SYK: variants seen among roughly 807,000 people sequenced by gnomAD.
The protein encoded by SYK is spleen associated tyrosine kinase, also known as tyrosine-protein kinase SYK.
A neutral mutation model predicts 77.8 loss-of-function variants in SYK; 16 were observed. The observed-to-expected ratio is 0.21, with a 90% CI of 0.14 to 0.31. The LOEUF (loss-of-function observed/expected upper bound fraction) is 0.31. Ranked by LOEUF, SYK falls within the 10% of genes least tolerant of loss-of-function variation. SYK has a pLI of 1.00. For missense variants in SYK, 529 were observed against 814.4 expected (o/e 0.65, Z 4.26); for synonymous variants, 312 against 308.7 (o/e 1.01, Z -0.11).
chr9:90,803,117 A>G (rs1261652320), intron 1 of SYK, among the ~76,000 whole-genome samples: 2 of 152,350 alleles, frequency 1.3e-5, no homozygotes, highest in Non-Finnish European at 2.9e-5. Context: ...TAAGTGAGAA[A>G]TCTTTGTCAG....
In SYK at chr9:90,896,273, A is replaced by G. The variant is rs1587935716; in HGVS notation, c.*673A>G. On this transcript the variant is annotated 3_prime_UTR_variant, in exon 14 of 14. Coordinates refer to ENST00000375754, the MANE Select transcript of SYK (RefSeq NM_003177.7). Reference sequence around the variant, plus strand: ...GAGATGGAAGACTTACATGTTTGTGATAAAAGGGGACCATGAGAATGAATT... The same window carrying G: ...GAGATGGAAGACTTACATGTTTGTGGTAAAAGGGGACCATGAGAATGAATT... 1.7e-5 allele frequency: 4 copies of G among 232,804 alleles called. No homozygotes were observed. The East Asian group carries it at 2.4e-4, about 14-fold the overall frequency. The allele number at this position is 232,804 out of a possible 1,614,324, so 14.4% of individuals were successfully genotyped here. A position where few individuals can be genotyped will look rare whatever the true frequency, so the allele number is the denominator to read the frequency against.
chr9:90,888,609 A>G lies in SYK; in HGVS notation c.1817A>G (p.Asn606Ser), dbSNP rs1340392673. The G allele has an allele frequency of 1.9e-6, 3 of 1,606,984 alleles. No individual in the cohort carries two copies. Among genetic ancestry groups the G allele is most frequent in the Admixed American group, 1.7e-5 (1 of 59,056 alleles). Residue 606 changes from asparagine to serine, a missense_variant, in exon 13 of 14, where the codon AAT becomes AGT. Asn to Ser is a conservative substitution (Grantham distance 46, BLOSUM62 1). This residue lies in a region of SYK where 208 missense variants were observed against 381.3 expected (regional missense o/e 0.55). Coordinates refer to ENST00000375754, the MANE Select transcript of SYK (RefSeq NM_003177.7). ...CCAAGAGAGATGTACGATCTCATGA[A>G]TCTGTGCTGGACATACGAGTGAGTA... ...GCPREMYDLMNLCWTYDVENR... is the reference protein window; with the variant it reads ...GCPREMYDLMSLCWTYDVENR...
intron 7 of SYK, among the ~76,000 whole-genome samples, chr9:90,871,935 T>C (rs1827742664): frequency 6.6e-6 from 1 of 152,226 alleles, no homozygotes. Flanking sequence ...GAGGAAGATC[T>C]CCCATCTGTT....
chr9:90,859,994 C>CT (rs34203790), intron 3 of SYK, among the ~76,000 whole-genome samples: 23,082 of 152,018 alleles, frequency 0.15, 2,599 homozygotes, highest in African/African-American at 0.28. Flanking sequence ...TTACTACTAT[C>CT]TTTTTTTCTG....
In SYK at chr9:90,895,492, A is replaced by G. The variant is rs199610949; in HGVS notation, c.1836-36A>G. On this transcript the variant is annotated intron_variant, in intron 13 of 13. Coordinates refer to ENST00000375754, the MANE Select transcript of SYK (RefSeq NM_003177.7). This position sits in a 1 kb window ranked among gnomAD's most constrained non-coding sequence, Gnocchi z 4.4. The stretch of plus-strand genomic sequence containing the variant: ...TTGTGATCAGCAATTTTTCACAAGC[A>G]CATTGACAAACAAGAATGCATCTCT... The G allele has an allele frequency of 6.2e-7, 1 of 1,611,404 alleles. No homozygotes were observed. Among genetic ancestry groups the G allele is most frequent in the Non-Finnish European group, 8.5e-7 (1 of 1,178,178 alleles).
At chr9:90,880,057 C>T (rs1373183420) in intron 11 of SYK, among the ~76,000 whole-genome samples, 1 of 152,244 alleles carries the variant, frequency 6.6e-6, no homozygotes, top group Non-Finnish European at 1.5e-5. Context: ...CCCTGCTAGT[C>T]TCTGGTGAAG....
intron 1 of SYK, among the ~76,000 whole-genome samples, chr9:90,817,880 T>TGAGA (rs1345424955): frequency 3.3e-5 from 2 of 60,876 alleles, no homozygotes; most frequent in South Asian, 6.8e-4. Flanking sequence ...TGTGTGTGTG[T>TGAGA]GTGAGAGAGA....
chr9:90,821,648 A>G (rs1825521653), intron 1 of SYK, among the ~76,000 whole-genome samples: 1 of 152,252 alleles, frequency 6.6e-6, no homozygotes, highest in African/African-American at 2.4e-5. Context: ...ACCATATCAC[A>G]GAGTGGCACA....
chr9:90,838,953 G>A (rs530667944), intron 1 of SYK, among the ~76,000 whole-genome samples: 3 of 152,322 alleles, frequency 2.0e-5, no homozygotes, highest in Admixed American at 2.0e-4. Flanking sequence ...TGGTGGGGGT[G>A]GCAGAGATGC....
rs970569426 is a variant in SYK, at chr9:90,829,528, C to T, written c.-41-14330C>T. On this transcript the variant is annotated intron_variant, in intron 1 of 13. Transcript: ENST00000375754. Reference sequence around the variant, plus strand: ...CCAGTCCCACTTAGAGGCAAGAAGACGTGAGGATAGTAGAGAACCTGGAAA... The same window carrying T: ...CCAGTCCCACTTAGAGGCAAGAAGATGTGAGGATAGTAGAGAACCTGGAAA... Among the ~76,000 whole-genome samples the T allele has an allele frequency of 3.3e-5, 5 of 152,124 alleles. No individual in the cohort carries two copies. In the East Asian group the frequency reaches 5.8e-4, roughly 18 times the overall value.
chr9:90,883,298 G>A (rs1054028640), intron 11 of SYK, among the ~76,000 whole-genome samples: 1 of 152,004 alleles, frequency 6.6e-6, no homozygotes, highest in African/African-American at 2.4e-5. Context: ...AGCCTCCCCA[G>A]GAGCAGGCCC....
chr9:90,827,664 C>G (rs1004239111), intron 1 of SYK: 1 of 152,172 alleles, frequency 6.6e-6, no homozygotes, highest in Non-Finnish European at 1.5e-5. Context: ...AGGAGGGATA[C>G]TTAGGTTTCA....
intron 9 of SYK, 76 bp downstream of exon 9, chr9:90,874,925 A>C: frequency 6.5e-7 from 1 of 1,531,140 alleles, no homozygotes; most frequent in South Asian, 1.2e-5. Context: ...AACAAAATGT[A>C]ACCTGGCATG....
intron 3 of SYK, among the ~76,000 whole-genome samples, chr9:90,853,743 G>A (rs1052247714): frequency 6.6e-6 from 1 of 152,068 alleles, no homozygotes; most frequent in Non-Finnish European, 1.5e-5. Context: ...AGCGGGGAGG[G>A]ATAGCTTTAG....
intron 10 of SYK, 88 bp downstream of exon 10, chr9:90,877,868 G>C (rs183239708): frequency 2.9e-5 from 41 of 1,437,444 alleles, no homozygotes; most frequent in African/African-American, 1.4e-5. Flanking sequence ...TGATTTCCTT[G>C]GGAAGCCTTC....
At chr9:90,829,472 G>A (rs954256521) in intron 1 of SYK, among the ~76,000 whole-genome samples, 1 of 152,174 alleles carries the variant, frequency 6.6e-6, no homozygotes, top group South Asian at 2.1e-4. Flanking sequence ...CCAGAGTCCT[G>A]CCAAGAACTA....
At chr9:90,839,370 T>G (rs1235771468) in intron 1 of SYK, among the ~76,000 whole-genome samples, 1 of 152,074 alleles carries the variant, frequency 6.6e-6, no homozygotes, top group African/African-American at 2.4e-5. Context: ...GCCACATCGG[T>G]GCTGACACTG....
rs1829053262 is a variant in SYK at position 90,897,894 on chromosome 9, C to T, written c.*2294C>T. On this transcript the variant is annotated 3_prime_UTR_variant, in exon 14 of 14. Transcript: ENST00000375754. ...GTGGTCAGGAATAATTATCCTTTCC[C>T]CTGTAGCCACCAAGGAGGGCAAATA... The T allele has an allele frequency of 4.4e-6, 1 of 225,494 alleles. No homozygotes were observed. The highest frequency in any genetic ancestry group is 8.8e-6 in the Non-Finnish European group (1 of 113,234). The allele number at this position is 225,494 out of a possible 1,614,324, so 14.0% of individuals were successfully genotyped here.
Position 90,822,038 on chromosome 9 carries a change from G to A in SYK, c.-42+20145G>A, listed in dbSNP as rs540284365. ...GATCAGTTGATGAAAATATGGTGAC[G>A]GCAGGCTCTCAGGCACATAACCCCT... On this transcript the variant is annotated intron_variant, in intron 1 of 13. Transcript: ENST00000375754. Among the ~76,000 whole-genome samples, 26 of 152,088 alleles carry A rather than the reference G, an allele frequency of 1.7e-4. No individual in the cohort carries two copies. The East Asian group carries it at 1.7e-3, about 10-fold the overall frequency.
Sources: allele counts gnomAD v4.1 joint callset (sites outside exome capture counted in the v4.1 genomes callset), GRCh38; gene constraint gnomAD v4.1.1; regional missense constraint gnomAD v4.1.1; non-coding constraint Gnocchi (gnomAD v3.1); transcripts MANE v1.5; gene names NCBI Gene and HGNC (gene_info 2026-07-23, HGNC 2026-07-21).